The following ETV6 variants were observed in gnomAD, a reference collection of about 807,000 sequenced individuals.
The protein encoded by ETV6 is transcription factor ETV6.
In ETV6, 16 loss-of-function variants were observed where a neutral mutation model predicts 51.1. That is an observed-to-expected ratio of 0.31 (90% CI 0.21 to 0.48). The LOEUF (loss-of-function observed/expected upper bound fraction) is 0.48, where lower values mean the gene tolerates loss of function less well. Ranked by LOEUF, ETV6 falls within the 20% of genes least tolerant of loss-of-function variation. The probability of loss-of-function intolerance (pLI) is 0.99; values close to 1 mark genes in which losing one functional copy is unlikely to be tolerated. For synonymous variants in ETV6, 240 were observed against 224.1 expected (o/e 1.07, Z -0.64); for missense variants, 458 against 594.8 (o/e 0.77, Z 2.39).
chr12:11,880,599 A>T (rs1428097829), intron 5 of ETV6, among the ~76,000 whole-genome samples: 1 of 152,192 alleles, frequency 6.6e-6, no homozygotes, highest in East Asian at 1.9e-4. Flanking sequence ...CATGCAGTGA[A>T]AACGCCCATG....
chr12:11,875,011 A>G (rs975238466), intron 5 of ETV6, among the ~76,000 whole-genome samples: 31 of 151,020 alleles, frequency 2.1e-4, no homozygotes, highest in African/African-American at 5.1e-4. Context: ...AAACCTGCAC[A>G]TTGTGCACAT....
At chr12:11,703,558 G>A (rs918663476) in intron 1 of ETV6, among the ~76,000 whole-genome samples, 2 of 151,874 alleles carry the variant, frequency 1.3e-5, no homozygotes, top group Non-Finnish European at 2.9e-5. Flanking sequence ...GCCCTTATGG[G>A]GCTTTCACCT....
intron 1 of ETV6, among the ~76,000 whole-genome samples, chr12:11,725,921 C>G (rs1865479365): frequency 6.6e-6 from 1 of 152,196 alleles, no homozygotes; most frequent in African/African-American, 2.4e-5. Context: ...GCCTGTAGAA[C>G]TGTAAGCCAA....
intron 7 of ETV6, 52 bp from the exon 8 acceptor site, chr12:11,890,889 G>C (rs1051536369): frequency 1.4e-6 from 2 of 1,393,658 alleles, no homozygotes; most frequent in Admixed American, 3.4e-5. Flanking sequence ...TCAGAGTGAA[G>C]ACAGCTTTAG....
intron 3 of ETV6, among the ~76,000 whole-genome samples, chr12:11,846,872 GTTTGT>G (rs950855203): frequency 1.1e-4 from 17 of 152,228 alleles, no homozygotes; most frequent in East Asian, 7.7e-4. Flanking sequence ...GTTTGTTTTT[GTTTGT>G]TTTGTTTTGT....
At chr12:11,849,599 A>G (rs1946516931) in intron 3 of ETV6, among the ~76,000 whole-genome samples, 1 of 152,230 alleles carries the variant, frequency 6.6e-6, no homozygotes, top group Non-Finnish European at 1.5e-5. Flanking sequence ...GTTACTTCAC[A>G]AGCCAAAACT....
chr12:11,695,184 A>T (rs1279933241), intron 1 of ETV6, among the ~76,000 whole-genome samples: 1 of 152,238 alleles, frequency 6.6e-6, no homozygotes, highest in Non-Finnish European at 1.5e-5. Flanking sequence ...TTAGAAAATT[A>T]CTGTGATAGG....
chr12:11,654,802 C>A (rs1349140604), intron 1 of ETV6, among the ~76,000 whole-genome samples: 1 of 152,078 alleles, frequency 6.6e-6, no homozygotes, highest in Non-Finnish European at 1.5e-5. Context: ...GTTAGGACTC[C>A]TTTGAGGAAT....
chr12:11,738,716 C>A (rs576807791), intron 1 of ETV6, among the ~76,000 whole-genome samples: 10 of 152,278 alleles, frequency 6.6e-5, no homozygotes, highest in South Asian at 4.1e-4. Context: ...TCAGGTATTT[C>A]ACTTTGTAAA....
In ETV6 at chr12:11,701,773, A is replaced by C. The variant is rs1291405894; in HGVS notation, c.34-50677A>C. Among the ~76,000 whole-genome samples the C allele has an allele frequency of 1.3e-5, 2 of 152,188 alleles. 1 individual carries two copies. Among genetic ancestry groups the C allele is most frequent in the East Asian group, 3.9e-4 (2 of 5,188 alleles). On this transcript the variant is annotated intron_variant, in intron 1 of 7. Transcript: ENST00000396373. ...GGTACCATGTGCTAGGTGCCAAAGG[A>C]GGAACAGAGGGCCCTGCGTGATCTG...
chr12:11,740,607 A>G (rs961790617), intron 1 of ETV6, among the ~76,000 whole-genome samples: 2 of 152,356 alleles, frequency 1.3e-5, no homozygotes, highest in Middle Eastern at 3.4e-3. Flanking sequence ...GTCTAAAGGA[A>G]GGATAGATAG....
At chr12:11,791,885 AC>A (rs944755427) in intron 2 of ETV6, among the ~76,000 whole-genome samples, 2 of 152,110 alleles carry the variant, frequency 1.3e-5, no homozygotes, top group African/African-American at 2.4e-5. Context: ...TTCATTTCCC[AC>A]CTTGGGCCTA....
chr12:11,840,395 T>G (rs1201109675), intron 3 of ETV6: 5 of 455,914 alleles, frequency 1.1e-5, no homozygotes, highest in African/African-American at 2.0e-5. Flanking sequence ...GGTCTCAGGT[T>G]TATGCCTCTT....
rs568590791 is a variant in ETV6, at chr12:11,849,868, C to T, written c.329-3559C>T. On this transcript the variant is annotated intron_variant, in intron 3 of 7. Coordinates refer to ENST00000396373, the MANE Select transcript of ETV6 (RefSeq NM_001987.5). ...CCAAGTTATTACTGGGACACACTAT[C>T]GCTGCCAATCATATGCTCACAGTGC... Among the ~76,000 whole-genome samples, 40 of 152,314 alleles carry T rather than the reference C, an allele frequency of 2.6e-4. 1 individual carries two copies. In the South Asian group the frequency reaches 7.5e-3, roughly 28 times the overall value.
intron 4 of ETV6, among the ~76,000 whole-genome samples, chr12:11,868,225 A>G (rs1946820569): frequency 1.3e-5 from 2 of 152,106 alleles, no homozygotes; most frequent in South Asian, 4.1e-4. Context: ...TAGTTTCTAT[A>G]TTGCAGTGAC....
chr12:11,737,450 G>C (rs1865725641), intron 1 of ETV6, among the ~76,000 whole-genome samples: 1 of 152,178 alleles, frequency 6.6e-6, no homozygotes, highest in Admixed American at 6.5e-5. Flanking sequence ...GATAATTCAG[G>C]GTCATATGGA....
At chr12:11,829,267 A>T (rs1328261913) in intron 2 of ETV6, among the ~76,000 whole-genome samples, 2 of 151,900 alleles carry the variant, frequency 1.3e-5, no homozygotes, top group Non-Finnish European at 2.9e-5. Context: ...GTCCTACCCA[A>T]CCCCCCAAAA....
intron 2 of ETV6, among the ~76,000 whole-genome samples, chr12:11,832,038 A>C (rs1946251913): frequency 6.6e-6 from 1 of 152,226 alleles, no homozygotes; most frequent in South Asian, 2.1e-4. Context: ...TATATAATGG[A>C]TGAAAAAGCA....
intron 4 of ETV6, among the ~76,000 whole-genome samples, chr12:11,856,260 A>T (rs1322425174): frequency 1.3e-5 from 2 of 152,150 alleles, no homozygotes; most frequent in Non-Finnish European, 2.9e-5. Flanking sequence ...GCTTTCTCTC[A>T]AGTATTATGA....
Sources: gnomAD v4.1 joint callset for allele counts (sites outside exome capture counted in the v4.1 genomes callset) on GRCh38, gnomAD v4.1.1 for gene constraint, MANE v1.5 for transcripts, NCBI Gene and HGNC (gene_info 2026-07-23, HGNC 2026-07-21) for gene names.